The following ADGRE1 variants were observed in gnomAD, a reference collection of about 807,000 sequenced individuals.
ADGRE1 encodes the protein adhesion G protein-coupled receptor E1.
In ADGRE1, 82 loss-of-function variants were observed where a neutral mutation model predicts 102.7. That is an observed-to-expected ratio of 0.80 (90% CI 0.67 to 0.96). The LOEUF (loss-of-function observed/expected upper bound fraction) is 0.96, where lower values mean the gene tolerates loss of function less well. Ranked by LOEUF, ADGRE1 falls within the 40% of genes least tolerant of loss-of-function variation. The pLI, the probability that ADGRE1 is intolerant of heterozygous loss-of-function variation, is 0.00. For synonymous variants in ADGRE1, 398 were observed against 399.6 expected, an observed-to-expected ratio of 1.00 and a Z score of 0.05; for missense variants, 1,032 against 1,085.3, an observed-to-expected ratio of 0.95 and a Z score of 0.69.
intron 15 of ADGRE1, among the ~76,000 whole-genome samples, chr19:6,925,805 CCCA>C (rs763436440): frequency 1.4e-4 from 22 of 152,094 alleles, no homozygotes; most frequent in Non-Finnish European, 2.6e-4. Context: ...AAGCGATCCT[CCCA>C]CGTTTGCCTC....
chr19:6,889,633 G>A (rs1973278104), intron 1 of ADGRE1, among the ~76,000 whole-genome samples: 1 of 137,378 alleles, frequency 7.3e-6, no homozygotes, highest in Non-Finnish European at 1.5e-5. Context: ...TGGTTGCAGT[G>A]AGCCTAGATC....
chr19:6,896,771 TCTTCCTTC>T (rs3053976), intron 3 of ADGRE1: 15 of 476,440 alleles, frequency 3.1e-5, no homozygotes, highest in East Asian at 3.1e-4. Context: ...AACATGATTT[TCTTCCTTC>T]CTTCCTTCCT....
intron 15 of ADGRE1, among the ~76,000 whole-genome samples, 198 bp from the exon 16 acceptor site, chr19:6,926,168 A>C (rs1196452789): frequency 6.6e-6 from 1 of 152,188 alleles, no homozygotes; most frequent in Admixed American, 6.5e-5. Context: ...GTCCAGACAA[A>C]CCAGGACCAT....
intron 10 of ADGRE1, among the ~76,000 whole-genome samples, chr19:6,913,124 G>C (rs1974258781): frequency 6.6e-6 from 1 of 151,988 alleles, no homozygotes; most frequent in Non-Finnish European, 1.5e-5. Context: ...TGTACAGATG[G>C]GGTCTTGTTA....
intron 9 of ADGRE1, among the ~76,000 whole-genome samples, chr19:6,908,051 G>T (rs1437631737): frequency 6.6e-6 from 1 of 152,234 alleles, no homozygotes; most frequent in Non-Finnish European, 1.5e-5. Flanking sequence ...ACACTGGAAG[G>T]TTGTGGGTTT....
At chr19:6,906,618 G>T in intron 9 of ADGRE1, 97 bp downstream of exon 9, 1 of 1,079,032 alleles carries the variant, frequency 9.3e-7, no homozygotes, top group Non-Finnish European at 1.4e-6. Context: ...AAAAGTAATA[G>T]TGGCCAAAAC....
chr19:6,920,540 T>TTTTTTTTA (rs1974617834), intron 13 of ADGRE1, among the ~76,000 whole-genome samples: 1 of 130,540 alleles, frequency 7.7e-6, no homozygotes, highest in African/African-American at 3.3e-5. Flanking sequence ...TTTTTTTTTT[T>TTTTTTTTA]GAGATGGAGT....
At chr19:6,919,061 T>C (rs1407599123) in intron 12 of ADGRE1, among the ~76,000 whole-genome samples, 4 of 148,078 alleles carry the variant, frequency 2.7e-5, no homozygotes, top group South Asian at 2.2e-4. Context: ...TGAAATGGAG[T>C]CTTGCTCTGT....
intron 20 of ADGRE1, 42 bp downstream of exon 20, chr19:6,937,690 G>T: frequency 6.3e-7 from 1 of 1,591,098 alleles, no homozygotes; most frequent in Non-Finnish European, 8.6e-7. Context: ...GTCGAGGGAG[G>T]TGCCGGCCTC....
chr19:6,901,100 T>C (rs1973749434), intron 5 of ADGRE1, among the ~76,000 whole-genome samples: 1 of 152,180 alleles, frequency 6.6e-6, no homozygotes, highest in South Asian at 2.1e-4. Flanking sequence ...GGAGAAGAAG[T>C]GTAGAGTATG....
At chr19:6,933,302 T>C (rs906282774) in intron 17 of ADGRE1, among the ~76,000 whole-genome samples, 7 of 152,070 alleles carry the variant, frequency 4.6e-5, no homozygotes, top group Non-Finnish European at 1.0e-4. Context: ...GTTCTACTCA[T>C]CTGGAAAAAA....
chr19:6,896,110 C>T (rs371259618), intron 2 of ADGRE1: 16 of 294,232 alleles, frequency 5.4e-5, no homozygotes, highest in African/African-American at 3.2e-4. Flanking sequence ...TTGCATGGCA[C>T]TGTCCCTGTG....
chr19:6,934,449 T>C (rs1363654279), intron 17 of ADGRE1, among the ~76,000 whole-genome samples: 1 of 147,672 alleles, frequency 6.8e-6, no homozygotes, highest in Non-Finnish European at 1.5e-5. Context: ...TGAGACACAG[T>C]CTTGCTCTGT....
In ADGRE1 at chr19:6,912,114, A is replaced by G. The variant is rs370207387; in HGVS notation, c.1123-1539A>G. Reference sequence around the variant, plus strand: ...CATATATACACACACGTATACATACATATACACAAACACACATACATACAT... The same window carrying G: ...CATATATACACACACGTATACATACGTATACACAAACACACATACATACAT... On this transcript the variant is annotated intron_variant, in intron 10 of 20. Transcript: ENST00000312053. 7.4e-5 allele frequency among the ~76,000 whole-genome samples: 11 copies of G among 149,612 alleles called. 1 individual carries two copies. Among genetic ancestry groups the G allele is most frequent in the East Asian group, 1.9e-4 (1 of 5,186 alleles).
chr19:6,903,579 C>T (rs1001865904), intron 6 of ADGRE1, among the ~76,000 whole-genome samples: 7 of 152,184 alleles, frequency 4.6e-5, no homozygotes, highest in Non-Finnish European at 8.8e-5. Context: ...AGAGAAGTCA[C>T]ACCCACTTCT....
At chr19:6,905,360 CT>C (rs71177126) in intron 8 of ADGRE1, among the ~76,000 whole-genome samples, 76 of 134,346 alleles carry the variant, frequency 5.7e-4, no homozygotes, top group Admixed American at 5.9e-4. Context: ...GTTTTTTTTT[CT>C]TTTTTTTTTT....
Position 6,912,203 on chromosome 19 carries a change from T to C in ADGRE1, c.1123-1450T>C, listed in dbSNP as rs181219583. On this transcript the variant is annotated intron_variant, in intron 10 of 20. Transcript: ENST00000312053. ...ACACGCATGTACACAACCCAACACA[T>C]ACACACATATACACACACCCACATA... Among the ~76,000 whole-genome samples, 10 of 151,546 alleles carry C rather than the reference T, an allele frequency of 6.6e-5. No homozygotes were observed. In the East Asian group the frequency reaches 2.0e-3, roughly 30 times the overall value.
Position 6,924,869 on chromosome 19 carries a change from C to T in ADGRE1, c.1983C>T (p.Asn661=), listed in dbSNP as rs1191315453. Residue 661 remains asparagine, a synonymous_variant, in exon 15 of 21, where the codon AAC becomes AAT. Coordinates refer to ENST00000312053, the MANE Select transcript of ADGRE1 (RefSeq NM_001974.5). ...TCGCCGGTATACACAAGACTGACAA[C>T]AAGGTCTACATCGCTCGGGCTGTGT... The part of the protein sequence containing the change: ...LFLAGIHKTD[N]KMGCAIIAGF... The T allele has an allele frequency of 6.2e-7, 1 of 1,613,904 alleles. No homozygotes were observed. Among genetic ancestry groups the T allele is most frequent in the African/African-American group, 1.3e-5 (1 of 74,902 alleles).
intron 12 of ADGRE1, among the ~76,000 whole-genome samples, chr19:6,917,258 T>A (rs1050178802): frequency 5.9e-5 from 9 of 152,232 alleles, no homozygotes; most frequent in African/African-American, 2.2e-4. Flanking sequence ...TACTTTAATG[T>A]AAAAGCACAG....
Sources: allele counts gnomAD v4.1 joint callset (sites outside exome capture counted in the v4.1 genomes callset), GRCh38; gene constraint gnomAD v4.1.1; transcripts MANE v1.5; gene names NCBI Gene and HGNC (gene_info 2026-07-23, HGNC 2026-07-21).